The following LRRIQ1 variants were observed in gnomAD, a reference collection of about 807,000 sequenced individuals.
LRRIQ1 encodes the protein leucine-rich repeat- and IQ domain-containing protein 1.
In LRRIQ1, 210 loss-of-function variants were observed where a neutral mutation model predicts 211.9. The observed-to-expected ratio is 0.99, with a 90% CI of 0.89 to 1.11. The LOEUF (loss-of-function observed/expected upper bound fraction) is 1.11, where lower values mean the gene tolerates loss of function less well. LRRIQ1 is among the 50% of genes most tolerant of loss of function. The pLI is 0.00. For synonymous variants in LRRIQ1, 699 were observed against 650.1 expected, an observed-to-expected ratio of 1.08 and a Z score of -1.14; for missense variants, 2,136 against 1,939.5, an observed-to-expected ratio of 1.10 and a Z score of -1.90.
intron 23 of LRRIQ1, among the ~76,000 whole-genome samples, chr12:85,155,452 A>T (rs1489579734): frequency 6.6e-6 from 1 of 151,538 alleles, no homozygotes; most frequent in Non-Finnish European, 1.5e-5. Context: ...TAGATATAGA[A>T]TCTAGTAGTG....
chr12:85,202,914 C>T (rs1893367273), intron 24 of LRRIQ1, among the ~76,000 whole-genome samples: 2 of 152,102 alleles, frequency 1.3e-5, no homozygotes, highest in Admixed American at 1.3e-4. Flanking sequence ...TTGTAGTGGC[C>T]AGTAATGGTT....
At chr12:85,078,810 C>A (rs1490029428) in intron 11 of LRRIQ1, among the ~76,000 whole-genome samples, 1 of 152,020 alleles carries the variant, frequency 6.6e-6, no homozygotes, top group African/African-American at 2.4e-5. Context: ...TGGGTTATGT[C>A]TAGCAATATT....
chr12:85,192,105 A>C (rs1892543825), intron 24 of LRRIQ1, among the ~76,000 whole-genome samples: 1 of 151,610 alleles, frequency 6.6e-6, no homozygotes, highest in Non-Finnish European at 1.5e-5. Context: ...TAATAAGTGT[A>C]AGTATTATAG....
At chr12:85,125,964 A>G (rs1297340191) in intron 17 of LRRIQ1, among the ~76,000 whole-genome samples, 1 of 152,196 alleles carries the variant, frequency 6.6e-6, no homozygotes, top group Admixed American at 6.5e-5. Context: ...TCAGTGATTC[A>G]GGAGATTCAC....
chr12:85,229,932 A>G (rs1178585291), intron 25 of LRRIQ1, among the ~76,000 whole-genome samples: 6 of 152,192 alleles, frequency 3.9e-5, no homozygotes. Context: ...TATTCATTAA[A>G]TGTTTTTAGA....
chr12:85,136,237 A>G (rs1889122372), intron 18 of LRRIQ1, among the ~76,000 whole-genome samples: 1 of 151,974 alleles, frequency 6.6e-6, no homozygotes, highest in Non-Finnish European at 1.5e-5. Flanking sequence ...CAAATGAGAA[A>G]AAAATGGGCT....
intron 1 of LRRIQ1, among the ~76,000 whole-genome samples, chr12:85,251,039 A>T (rs1198030988): frequency 7.4e-6 from 1 of 135,242 alleles, no homozygotes; most frequent in East Asian, 2.1e-4. Context: ...TCTGAATATA[A>T]TAATTTTCAT....
At chr12:85,137,752 G>T in intron 18 of LRRIQ1, 98 bp from the exon 19 acceptor site, 6 of 960,596 alleles carry the variant, frequency 6.2e-6, no homozygotes, top group Non-Finnish European at 7.3e-6. Flanking sequence ...ATTAAACTTA[G>T]GTCTAAGATG....
chr12:85,116,671 C>T (rs555469912), intron 15 of LRRIQ1, among the ~76,000 whole-genome samples: 5 of 152,180 alleles, frequency 3.3e-5, no homozygotes, highest in Non-Finnish European at 7.4e-5. Flanking sequence ...AAGCCCAGTA[C>T]CCAATAGTTA....
intron 24 of LRRIQ1, among the ~76,000 whole-genome samples, chr12:85,186,095 T>A (rs1189513855): frequency 3.9e-5 from 6 of 152,224 alleles, no homozygotes; most frequent in Admixed American, 2.0e-4. Context: ...TGCAATTAAG[T>A]TACAAATGCA....
chr12:85,144,941 GTTTTTTGT>G (rs1338400355), intron 19 of LRRIQ1, among the ~76,000 whole-genome samples: 1 of 150,858 alleles, frequency 6.6e-6, no homozygotes, highest in Non-Finnish European at 1.5e-5. Context: ...GTTTGTTTTT[GTTTTTTGT>G]TTTTTTGTTT....
At chr12:85,217,652 ATGTATATATGTATATATG>A (rs1343917798) in intron 24 of LRRIQ1, among the ~76,000 whole-genome samples, 40 of 137,120 alleles carry the variant, frequency 2.9e-4, no homozygotes, top group East Asian at 2.2e-3. Context: ...ATATGTGTAT[ATGTATATATGTATATATG>A]TGTATATATG....
intron 17 of LRRIQ1, 138 bp downstream of exon 17, chr12:85,124,657 G>T (rs1046799588): frequency 4.4e-6 from 3 of 674,240 alleles, no homozygotes; most frequent in Non-Finnish European, 5.0e-6. Context: ...TTATGTTTTC[G>T]TGAGGTGCAT....
Position 85,086,935 on chromosome 12 carries a change from CATTATT to C in LRRIQ1, c.2888-11399_2888-11394del, listed in dbSNP as rs202087547. Among the ~76,000 whole-genome samples, 12 of 149,264 alleles carry C rather than the reference CATTATT, an allele frequency of 8.0e-5. No homozygotes were observed. The East Asian group carries it at 1.2e-3, about 15-fold the overall frequency. On this transcript the variant is annotated intron_variant, in intron 11 of 26. Coordinates refer to ENST00000393217, the MANE Select transcript of LRRIQ1 (RefSeq NM_001079910.2). The stretch of plus-strand genomic sequence containing the variant: ...AACGATTGAATCTCAGATTGTTCTT[CATTATT>C]ATTATTATTATTATTATTATACTTT...
At chr12:85,235,590 A>G (rs745370713) in intron 26 of LRRIQ1, among the ~76,000 whole-genome samples, 1 of 152,170 alleles carries the variant, frequency 6.6e-6, no homozygotes, top group Non-Finnish European at 1.5e-5. Context: ...AGTTCTCTTC[A>G]GCGAAGGATA....
chr12:85,262,218 A>G (rs180952275), intron 1 of LRRIQ1, among the ~76,000 whole-genome samples: 142 of 152,232 alleles, frequency 9.3e-4, no homozygotes, highest in African/African-American at 3.2e-3. Flanking sequence ...TATATAAATA[A>G]TAATTTCTTC....
rs970045494 is a variant in LRRIQ1, at chr12:85,190,213, T to C, written c.4822+29499T>C. On this transcript the variant is annotated intron_variant, in intron 24 of 26. Coordinates refer to ENST00000393217, the MANE Select transcript of LRRIQ1 (RefSeq NM_001079910.2). ...ATTCAATATATTATAATTATAATTT[T>C]ATAATTTTATAATGATATATTAATA... is the stretch of plus-strand genomic sequence containing the variant. Among the ~76,000 whole-genome samples, 7 of 144,592 alleles carry C rather than the reference T, an allele frequency of 4.8e-5. No homozygotes were observed. In the East Asian group the frequency reaches 1.4e-3, roughly 30 times the overall value. 94.9% of individuals were successfully genotyped at this position (144,592 alleles called of 152,430 possible).
chr12:85,114,068 T>G lies in LRRIQ1; in HGVS notation c.3377+7453T>G, dbSNP rs12813256. On this transcript the variant is annotated intron_variant, in intron 15 of 26. Transcript: ENST00000393217. ...GTGACTCAAGTTCTGGGGCTATGCT[T>G]CTTTTACACTGGGTTTAAAGTACTC... 9.5e-3 allele frequency among the ~76,000 whole-genome samples: 1,452 copies of G among 152,216 alleles called. 8 individuals are homozygous for G. Among genetic ancestry groups the G allele is most frequent in the Non-Finnish European group, 0.016 (1,055 of 68,000 alleles).
chr12:85,044,387 G>T (rs1348280858), intron 3 of LRRIQ1, among the ~76,000 whole-genome samples: 1 of 151,964 alleles, frequency 6.6e-6, no homozygotes, highest in Non-Finnish European at 1.5e-5. Flanking sequence ...AGATAGAGTT[G>T]AATTTTTGTT....
Sources: allele counts gnomAD v4.1 joint callset (sites outside exome capture counted in the v4.1 genomes callset), GRCh38; gene constraint gnomAD v4.1.1; transcripts MANE v1.5; gene names NCBI Gene and HGNC (gene_info 2026-07-23, HGNC 2026-07-21).